Variants in TFEC observed in about 807,000 individuals in gnomAD.
The protein encoded by TFEC is transcription factor EC.
Under a neutral mutation model 41.6 loss-of-function variants are expected in TFEC, and 31 were observed. The observed-to-expected ratio is 0.74, with a 90% CI of 0.56 to 1.01. The LOEUF (loss-of-function observed/expected upper bound fraction) is 1.01. Among genes scored for constraint, TFEC ranks in the 50% least tolerant of loss-of-function variants. The pLI, the probability that TFEC is intolerant of heterozygous loss-of-function variation, is 0.00. For missense variants in TFEC, 402 were observed against 404.1 expected (o/e 0.99, Z 0.04); for synonymous variants, 143 against 140.6 (o/e 1.02, Z -0.12).
chr7:115,988,320 G>T (rs1483707143), intron 1 of TFEC, among the ~76,000 whole-genome samples: 1 of 152,112 alleles, frequency 6.6e-6, no homozygotes. Flanking sequence ...AATAGATAAA[G>T]TAGCCATCAT....
intron 2 of TFEC, among the ~76,000 whole-genome samples, chr7:115,977,936 G>C (rs949086591): frequency 1.3e-5 from 2 of 151,584 alleles, no homozygotes; most frequent in African/African-American, 2.4e-5. Context: ...TAAAATATTA[G>C]AAGTAACAAA....
chr7:116,152,650 T>A (rs1798785118), intron 1 of TFEC, among the ~76,000 whole-genome samples: 1 of 152,200 alleles, frequency 6.6e-6, no homozygotes, highest in Non-Finnish European at 1.5e-5. Context: ...TCAAGAAATG[T>A]ACTCAGAATC....
intron 5 of TFEC, among the ~76,000 whole-genome samples, chr7:115,953,466 C>T (rs1448104042): frequency 6.6e-6 from 1 of 151,956 alleles, no homozygotes; most frequent in Non-Finnish European, 1.5e-5. Flanking sequence ...TTAAGAAACA[C>T]TTCGATAATG....
intron 1 of TFEC, chr7:116,157,503 T>C (rs936544387): frequency 4.6e-4 from 70 of 152,120 alleles, no homozygotes; most frequent in African/African-American, 1.7e-3. Context: ...TGAAATGGGT[T>C]TGTGATTATA....
At chr7:116,023,682 G>A (rs185713371) in intron 1 of TFEC, among the ~76,000 whole-genome samples, 2 of 152,088 alleles carry the variant, frequency 1.3e-5, no homozygotes, top group Admixed American at 6.5e-5. Flanking sequence ...TCCTCTAGAT[G>A]GAAATAAAAA....
intron 3 of TFEC, among the ~76,000 whole-genome samples, chr7:115,964,092 A>G (rs926019708): frequency 1.3e-5 from 2 of 151,638 alleles, no homozygotes; most frequent in Non-Finnish European, 3.0e-5. Context: ...AATAAGTGAA[A>G]TGATCTATGC....
chr7:115,940,411 T>C lies in TFEC; in HGVS notation c.*140A>G, dbSNP rs1222708652. ...ATTTTTCTTCCTGCGAATTCTTCTGTTGCTTCTATCAGTTTTTCATGAACA... is the reference window on the plus strand; with the variant it reads ...ATTTTTCTTCCTGCGAATTCTTCTGCTGCTTCTATCAGTTTTTCATGAACA... On this transcript the variant is annotated 3_prime_UTR_variant, in exon 8 of 8. Coordinates refer to ENST00000265440, the MANE Select transcript of TFEC (RefSeq NM_012252.4). The C allele has an allele frequency of 2.2e-6, 2 of 909,486 alleles. No homozygotes were observed. The highest frequency in any genetic ancestry group is 3.2e-5 in the Admixed American group (1 of 31,738). 56.3% of individuals were successfully genotyped at this position (909,486 alleles called of 1,614,324 possible). A position where few individuals can be genotyped will look rare whatever the true frequency, so the allele number is the denominator to read the frequency against.
chr7:116,065,483 T>A (rs920150475), intron 3 of TFEC, among the ~76,000 whole-genome samples: 1 of 152,224 alleles, frequency 6.6e-6, no homozygotes. Context: ...ACTTCATGCA[T>A]TATGGGAGTG....
intron 3 of TFEC, among the ~76,000 whole-genome samples, chr7:116,075,221 AT>A (rs1387895238): frequency 6.6e-6 from 1 of 152,108 alleles, no homozygotes; most frequent in Non-Finnish European, 1.5e-5. Context: ...CAGTGAAGCT[AT>A]TTTTTTAAAA....
At chr7:116,119,526 A>G (rs762226579) in intron 1 of TFEC, among the ~76,000 whole-genome samples, 34 of 151,898 alleles carry the variant, frequency 2.2e-4, no homozygotes, top group Non-Finnish European at 1.2e-4. Context: ...TATTTTGAAT[A>G]TATGTTAAAA....
At chr7:115,994,432 G>A (rs549554592) in intron 1 of TFEC, among the ~76,000 whole-genome samples, 14 of 152,176 alleles carry the variant, frequency 9.2e-5, no homozygotes, top group African/African-American at 3.1e-4. Context: ...CTACAGAATG[G>A]GAGAAAATTT....
intron 3 of TFEC, among the ~76,000 whole-genome samples, chr7:116,104,578 C>T (rs1294445488): frequency 6.6e-6 from 1 of 152,086 alleles, no homozygotes. Context: ...AAAATGTTTT[C>T]ATTCTTATTT....
chr7:116,125,171 C>G (rs2116250876), intron 1 of TFEC, among the ~76,000 whole-genome samples: 1 of 152,194 alleles, frequency 6.6e-6, no homozygotes, highest in South Asian at 2.1e-4. Flanking sequence ...GATGAAATTA[C>G]TTGATGAAAG....
rs1416016615 is a variant in TFEC, at chr7:115,939,453, T to C, written c.*1098A>G. ...CTAAGTGTTTATAGAAATAGAACCTTACGTTCCTCTCAGAACTGAAAATAA... is the reference window on the plus strand; with the variant it reads ...CTAAGTGTTTATAGAAATAGAACCTCACGTTCCTCTCAGAACTGAAAATAA... On this transcript the variant is annotated 3_prime_UTR_variant, in exon 8 of 8. Transcript: ENST00000265440. 6.6e-6 allele frequency: 1 copy of C among 152,078 alleles called. No homozygotes were observed. Among genetic ancestry groups the C allele is most frequent in the Non-Finnish European group, 1.5e-5 (1 of 67,970 alleles). 9.4% of individuals were successfully genotyped at this position (152,078 alleles called of 1,614,324 possible).
chr7:115,993,149 T>C (rs950709119), intron 1 of TFEC, among the ~76,000 whole-genome samples: 2 of 152,146 alleles, frequency 1.3e-5, no homozygotes, highest in African/African-American at 2.4e-5. Context: ...TTTCACAAAA[T>C]TCAATAGCCC....
At chr7:116,071,053 G>T (rs924142872) in intron 3 of TFEC, among the ~76,000 whole-genome samples, 2 of 151,176 alleles carry the variant, frequency 1.3e-5, no homozygotes, top group Non-Finnish European at 3.0e-5. Context: ...AGATTCAAAT[G>T]ATAAATACAT....
At chr7:116,046,681 C>T (rs1796173467) in intron 3 of TFEC, among the ~76,000 whole-genome samples, 1 of 152,178 alleles carries the variant, frequency 6.6e-6, no homozygotes, top group Non-Finnish European at 1.5e-5. Flanking sequence ...ATGCTTTATA[C>T]TTGTTTTATA....
At chr7:116,081,001 G>T (rs1222612288) in intron 3 of TFEC, among the ~76,000 whole-genome samples, 2 of 147,758 alleles carry the variant, frequency 1.4e-5, no homozygotes, top group African/African-American at 4.9e-5. Flanking sequence ...GTGTGTGTGT[G>T]TGTGTGTGTG....
Position 115,936,879 on chromosome 7 carries a change from T to C in TFEC, c.*3672A>G, listed in dbSNP as rs1406270584. 6.6e-6 allele frequency: 1 copy of C among 151,526 alleles called. No individual in the cohort carries two copies. Among genetic ancestry groups the C allele is most frequent in the African/African-American group, 2.4e-5 (1 of 41,308 alleles). The allele number at this position is 151,526 out of a possible 1,614,324, so 9.4% of individuals were successfully genotyped here. On this transcript the variant is annotated 3_prime_UTR_variant, in exon 8 of 8. Coordinates refer to ENST00000265440, the MANE Select transcript of TFEC (RefSeq NM_012252.4). ...CCCCAGCTCATCTGGCTATTTATTATTTAGGGCTTTTTTAAAAACCTATAT... is the reference window on the plus strand; with the variant it reads ...CCCCAGCTCATCTGGCTATTTATTACTTAGGGCTTTTTTAAAAACCTATAT...
Sources: allele counts gnomAD v4.1 joint callset (sites outside exome capture counted in the v4.1 genomes callset), GRCh38; gene constraint gnomAD v4.1.1; transcripts MANE v1.5; gene names NCBI Gene and HGNC (gene_info 2026-07-23, HGNC 2026-07-21).